The following CCDC149 variants were observed in gnomAD, a reference collection of about 807,000 sequenced individuals.
CCDC149 encodes the protein coiled-coil domain-containing protein 149.
In CCDC149, 45 loss-of-function variants were observed where a neutral mutation model predicts 59.9. That is an observed-to-expected ratio of 0.75 (90% CI 0.59 to 0.96). The LOEUF is 0.96. Among genes scored for constraint, CCDC149 ranks in the 40% least tolerant of loss-of-function variants. CCDC149 has a pLI of 0.00. For synonymous variants in CCDC149, 245 were observed against 260.6 expected (o/e 0.94, Z 0.58); for missense variants, 584 against 664.7 (o/e 0.88, Z 1.33).
intron 3 of CCDC149, among the ~76,000 whole-genome samples, chr4:24,869,249 C>G (rs1472842495): frequency 3.3e-5 from 5 of 152,186 alleles, no homozygotes; most frequent in Non-Finnish European, 5.9e-5. Context: ...TTGGGAGCAG[C>G]CTTCTTCCAG....
intron 1 of CCDC149, among the ~76,000 whole-genome samples, chr4:24,942,798 T>C (rs1021838553): frequency 3.9e-5 from 6 of 152,122 alleles, no homozygotes; most frequent in African/African-American, 1.4e-4. Flanking sequence ...CCATTCACAA[T>C]TGCTTCAAAG....
chr4:24,948,395 C>G (rs1247972363), intron 1 of CCDC149, among the ~76,000 whole-genome samples: 1 of 152,136 alleles, frequency 6.6e-6, no homozygotes, highest in African/African-American at 2.4e-5. Flanking sequence ...TAGTAGGAGG[C>G]TTTTTGCTCA....
chr4:24,907,823 G>C (rs528797618), intron 1 of CCDC149, among the ~76,000 whole-genome samples: 1 of 152,178 alleles, frequency 6.6e-6, no homozygotes, highest in African/African-American at 2.4e-5. Context: ...TGGCAGGACT[G>C]TGTTCCCCAG....
intron 12 of CCDC149, among the ~76,000 whole-genome samples, chr4:24,813,496 A>ATATCTATATCTATCTATC (rs1560197539): frequency 1.4e-3 from 16 of 11,256 alleles, no homozygotes; most frequent in African/African-American, 3.7e-3. Context: ...GGGAATATAT[A>ATATCTATATCTATCTATC]TATATATATA....
chr4:24,891,269 A>G (rs1720515516), intron 1 of CCDC149, among the ~76,000 whole-genome samples: 1 of 152,184 alleles, frequency 6.6e-6, no homozygotes, highest in South Asian at 2.1e-4. Context: ...GATTCAAATC[A>G]CTGATGTTTT....
At chr4:24,822,669 G>T in intron 9 of CCDC149, 96 bp from the exon 10 acceptor site, 1 of 769,846 alleles carries the variant, frequency 1.3e-6, no homozygotes, top group Non-Finnish European at 2.0e-6. Flanking sequence ...AAAGTGTTGA[G>T]ATTTATGATA....
At chr4:24,916,288 T>C (rs1722117073), upstream of CCDC149, among the ~76,000 whole-genome samples, 1 of 152,210 alleles carries the variant, frequency 6.6e-6, no homozygotes, top group African/African-American at 2.4e-5. Context: ...TTTTGAGTGA[T>C]GCTTTTCACT....
At chr4:24,960,060 C>T (rs1723594265) in intron 1 of CCDC149, among the ~76,000 whole-genome samples, 1 of 152,102 alleles carries the variant, frequency 6.6e-6, no homozygotes, top group Admixed American at 6.5e-5. Context: ...AAAATAATCA[C>T]AATGAATTGT....
rs994120625 is a variant in CCDC149, at chr4:24,808,447, G to A, written c.1565C>T (p.Pro522Leu). ...CTCTGGGATCCCTTTGCCGTCTTCC[G>A]GTGTGGAAGCTTTGGCTGCTGGCCG... Residue 522 changes from proline to leucine, a missense_variant, in exon 13 of 13, where the codon CCG becomes CTG. Physicochemically the swap from Pro to Leu is moderately conservative, Grantham distance 98. Transcript: ENST00000635206. 11 of 1,463,536 alleles carry A rather than the reference G, an allele frequency of 7.5e-6. No homozygotes were observed. Among genetic ancestry groups the A allele is most frequent in the East Asian group, 2.5e-5 (1 of 40,252 alleles). 90.7% of individuals were successfully genotyped at this position (1,463,536 alleles called of 1,614,324 possible).
intron 3 of CCDC149, among the ~76,000 whole-genome samples, chr4:24,871,211 G>A (rs1363692674): frequency 1.4e-5 from 2 of 142,440 alleles, no homozygotes; most frequent in East Asian, 4.2e-4. Flanking sequence ...TGAATGAATG[G>A]GTAACCATAG....
chr4:24,862,677 A>G (rs1718455393), intron 3 of CCDC149, among the ~76,000 whole-genome samples: 1 of 152,212 alleles, frequency 6.6e-6, no homozygotes, highest in Non-Finnish European at 1.5e-5. Context: ...ACCTGACACA[A>G]TATTCTTCAT....
At chr4:24,817,894 T>G (rs995029657) in intron 12 of CCDC149, among the ~76,000 whole-genome samples, 5 of 152,008 alleles carry the variant, frequency 3.3e-5, no homozygotes, top group African/African-American at 1.2e-4. Flanking sequence ...AATCATGAGG[T>G]TGGAAAGGTA....
intron 1 of CCDC149, among the ~76,000 whole-genome samples, chr4:24,961,476 A>T (rs1723634388): frequency 6.6e-6 from 1 of 152,144 alleles, no homozygotes; most frequent in South Asian, 2.1e-4. Flanking sequence ...CTTCATATGG[A>T]CCCAAAAAAG....
At chr4:24,915,537 C>G (rs1260444348), upstream of CCDC149, among the ~76,000 whole-genome samples, 1 of 152,254 alleles carries the variant, frequency 6.6e-6, no homozygotes, top group Non-Finnish European at 1.5e-5. Context: ...TAAGACCACT[C>G]TCCCTGTGAC....
intron 1 of CCDC149, among the ~76,000 whole-genome samples, chr4:24,943,153 C>G (rs1227658291): frequency 6.6e-6 from 1 of 152,188 alleles, no homozygotes; most frequent in Non-Finnish European, 1.5e-5. Flanking sequence ...AACTATACTA[C>G]AAGGCTACGG....
intron 1 of CCDC149, among the ~76,000 whole-genome samples, chr4:24,969,971 T>C (rs898171010): frequency 3.9e-5 from 6 of 152,202 alleles, no homozygotes; most frequent in Non-Finnish European, 5.9e-5. Context: ...GGGGGACATA[T>C]GTACTGTCTG....
At chr4:24,881,059 GAC>G (rs1005970856) in intron 1 of CCDC149, among the ~76,000 whole-genome samples, 1 of 152,230 alleles carries the variant, frequency 6.6e-6, no homozygotes, top group Admixed American at 6.5e-5. Flanking sequence ...CCTTGTCTAA[GAC>G]AGAGCTGGCT....
At chr4:24,856,053 C>A (rs1410452340) in intron 3 of CCDC149, among the ~76,000 whole-genome samples, 1 of 152,200 alleles carries the variant, frequency 6.6e-6, no homozygotes, top group African/African-American at 2.4e-5. Flanking sequence ...CAGTGCCTGG[C>A]ATCATGTGTG....
At chr4:24,867,908 A>G (rs1344801446) in intron 3 of CCDC149, among the ~76,000 whole-genome samples, 1 of 152,248 alleles carries the variant, frequency 6.6e-6, no homozygotes. Flanking sequence ...CCAGTGGGCA[A>G]TAATACGCAC....
Sources: allele counts gnomAD v4.1 joint callset (sites outside exome capture counted in the v4.1 genomes callset), GRCh38; gene constraint gnomAD v4.1.1; transcripts MANE v1.5; gene names NCBI Gene and HGNC (gene_info 2026-07-23, HGNC 2026-07-21).